Variants in SH3RF2 observed in about 807,000 individuals in gnomAD.
The protein encoded by SH3RF2 is SH3 domain containing ring finger 2, also known as E3 ubiquitin-protein ligase SH3RF2.
In SH3RF2, 43 loss-of-function variants were observed where a neutral mutation model predicts 59.0. That is an observed-to-expected ratio of 0.73 (90% CI 0.57 to 0.94). The LOEUF (loss-of-function observed/expected upper bound fraction) is 0.94. Among genes scored for constraint, SH3RF2 ranks in the 40% least tolerant of loss-of-function variants. The pLI is 0.00. For synonymous variants in SH3RF2, 391 were observed against 391.5 expected, an observed-to-expected ratio of 1.00 and a Z score of 0.01; for missense variants, 930 against 940.1, an observed-to-expected ratio of 0.99 and a Z score of 0.14.
chr5:146,050,890 T>C (rs1170245650), intron 7 of SH3RF2, among the ~76,000 whole-genome samples: 1 of 152,240 alleles, frequency 6.6e-6, no homozygotes, highest in Non-Finnish European at 1.5e-5. Context: ...CCAAGCCATG[T>C]GGATCTCTGA....
chr5:145,955,057 G>T (rs1029796339), intron 2 of SH3RF2, among the ~76,000 whole-genome samples: 1 of 152,132 alleles, frequency 6.6e-6, no homozygotes, highest in Non-Finnish European at 1.5e-5. Flanking sequence ...CCTCCCACTA[G>T]GTCCCACCTC....
chr5:146,067,419 A>T (rs11742798), downstream of SH3RF2, among the ~76,000 whole-genome samples: 48,817 of 152,024 alleles, frequency 0.32, 8,520 homozygotes, highest in Non-Finnish European at 0.39. Context: ...CCCTCCAGAG[A>T]CTGTGCAGGA....
At chr5:146,005,361 A>G (rs1458500638) in intron 4 of SH3RF2, among the ~76,000 whole-genome samples, 1 of 152,208 alleles carries the variant, frequency 6.6e-6, no homozygotes, top group African/African-American at 2.4e-5. Context: ...TGAGTAGTAG[A>G]AAGCTATGAA....
Position 146,000,167 on chromosome 5 carries a change from A to T in SH3RF2, c.488A>T (p.Tyr163Phe), listed in dbSNP as rs1314726812. 6.2e-7 allele frequency: 1 copy of T among 1,613,862 alleles called. No individual in the cohort carries two copies. Among genetic ancestry groups the T allele is most frequent in the South Asian group, 1.1e-5 (1 of 90,994 alleles). ...LLRRQLDENW[Y>F]QGEINGISGN... ...CGGAGACAGCTTGATGAGAATTGGT[A>T]CCAGGGGGAAATCAATGGCATCAGC... The change falls in exon 3 of 10, where the codon TAC becomes TTC. Residue 163 changes from tyrosine to phenylalanine, a missense_variant. Coordinates refer to ENST00000359120, the MANE Select transcript of SH3RF2 (RefSeq NM_152550.4).
downstream of SH3RF2, among the ~76,000 whole-genome samples, chr5:146,065,464 C>A (rs1763081079): frequency 1.3e-5 from 2 of 152,176 alleles, 1 homozygote; most frequent in African/African-American, 4.8e-5. Context: ...TTTAGTCTAT[C>A]CCTCAGTGGC....
chr5:146,015,149 A>G (rs1322742212), intron 5 of SH3RF2, among the ~76,000 whole-genome samples: 1 of 152,114 alleles, frequency 6.6e-6, no homozygotes, highest in African/African-American at 2.4e-5. Flanking sequence ...CTTTTTAACA[A>G]GACAAGGAGG....
chr5:145,993,683 C>T (rs1157407195), intron 2 of SH3RF2, among the ~76,000 whole-genome samples: 1 of 152,234 alleles, frequency 6.6e-6, no homozygotes, highest in Non-Finnish European at 1.5e-5. Context: ...CACAGGGCAC[C>T]AAGTCCCTAG....
intron 2 of SH3RF2, among the ~76,000 whole-genome samples, chr5:145,971,426 T>A (rs1463590558): frequency 6.6e-6 from 1 of 152,210 alleles, no homozygotes; most frequent in Non-Finnish European, 1.5e-5. Flanking sequence ...CCTGTGGGCA[T>A]TTCACCTCCA....
At chr5:146,064,990 C>T (rs2150026176), downstream of SH3RF2, among the ~76,000 whole-genome samples, 1 of 152,274 alleles carries the variant, frequency 6.6e-6, no homozygotes, top group African/African-American at 2.4e-5. Context: ...CCCACTCACA[C>T]ACTCGGCAAA....
At chr5:146,065,051 A>G (rs1037208148), downstream of SH3RF2, among the ~76,000 whole-genome samples, 101 of 152,088 alleles carry the variant, frequency 6.6e-4, no homozygotes, top group Admixed American at 1.1e-3. Flanking sequence ...AAACAAAACC[A>G]TACTCCTCCC....
chr5:145,962,743 G>A (rs1375567484), intron 2 of SH3RF2, among the ~76,000 whole-genome samples: 3 of 152,050 alleles, frequency 2.0e-5, no homozygotes, highest in Non-Finnish European at 4.4e-5. Flanking sequence ...GAAGGAAGAA[G>A]TGAAGGAGCT....
Position 146,000,248 on chromosome 5 carries a change from C to A in SH3RF2, c.569C>A (p.Pro190Gln). The A allele has an allele frequency of 6.2e-7, 1 of 1,614,012 alleles. No individual in the cohort carries two copies. Among genetic ancestry groups the A allele is most frequent in the Non-Finnish European group, 8.5e-7 (1 of 1,179,994 alleles). ...ATCAAGCAGCTGCCCCAGCCGCCCCCGCTCTGCAGGGCCCTCTACAACTTC... is the reference window on the plus strand; with the variant it reads ...ATCAAGCAGCTGCCCCAGCCGCCCCAGCTCTGCAGGGCCCTCTACAACTTC... ...EVIKQLPQPPPLCRALYNFDL... is the reference protein window; with the variant it reads ...EVIKQLPQPPQLCRALYNFDL... The change falls in exon 3 of 10, where the codon CCG becomes CAG. Residue 190 changes from proline to glutamine, a missense_variant. Coordinates refer to ENST00000359120, the MANE Select transcript of SH3RF2 (RefSeq NM_152550.4).
chr5:145,980,269 C>T lies in SH3RF2; in HGVS notation c.379-19789C>T, dbSNP rs192174536. Among the ~76,000 whole-genome samples, 21 of 152,268 alleles carry T rather than the reference C, an allele frequency of 1.4e-4. No homozygotes were observed. In the East Asian group the frequency reaches 4.0e-3, roughly 29 times the overall value. ...GAGGCAGTTGTAAGTTCCTCCCCTC[C>T]CCAAATTAATTAGGTGTATGTTTTT... is the stretch of plus-strand genomic sequence containing the variant. On this transcript the variant is annotated intron_variant, in intron 2 of 9. Coordinates refer to ENST00000359120, the MANE Select transcript of SH3RF2 (RefSeq NM_152550.4).
chr5:146,080,420 G>T (rs1285258551), exon 10 of SH3RF2: 1 of 152,096 alleles, frequency 6.6e-6, no homozygotes, highest in Non-Finnish European at 1.5e-5. Flanking sequence ...ATCTCTATGA[G>T]TTAATATGTA....
chr5:146,025,373 C>A lies in SH3RF2; in HGVS notation c.1059+11312C>A, dbSNP rs561943820. Among the ~76,000 whole-genome samples, 5 of 152,330 alleles carry A rather than the reference C, an allele frequency of 3.3e-5. No homozygotes were observed. The South Asian group carries it at 1.0e-3, about 32-fold the overall frequency. On this transcript the variant is annotated intron_variant, in intron 5 of 9. Coordinates refer to ENST00000359120, the MANE Select transcript of SH3RF2 (RefSeq NM_152550.4). ...TGCAGTCGCCTTGTTTACATCCTTG[C>A]CACTGCCGTAGGCTGGCCCCCAGTC...
downstream of SH3RF2, among the ~76,000 whole-genome samples, chr5:146,064,783 GGAA>G (rs1763042930): frequency 6.0e-5 from 1 of 16,784 alleles, no homozygotes; most frequent in Admixed American, 5.6e-4. Context: ...AGGAAAGGAA[GGAA>G]GGAAGGAAGG....
At chr5:146,021,312 C>T (rs991227134) in intron 5 of SH3RF2, among the ~76,000 whole-genome samples, 12 of 152,216 alleles carry the variant, frequency 7.9e-5, no homozygotes, top group Admixed American at 7.2e-4. Context: ...GATAAATTAA[C>T]TCTATGTTTA....
At chr5:146,029,719 T>C (rs944130182) in intron 5 of SH3RF2, among the ~76,000 whole-genome samples, 55 of 152,276 alleles carry the variant, frequency 3.6e-4, no homozygotes, top group African/African-American at 1.3e-3. Flanking sequence ...AAACAAGATA[T>C]GGGCCCCTAT....
chr5:145,952,871 G>T (rs1758245943), intron 2 of SH3RF2, among the ~76,000 whole-genome samples: 1 of 152,112 alleles, frequency 6.6e-6, no homozygotes, highest in Non-Finnish European at 1.5e-5. Context: ...GGAAACTCTG[G>T]GAAACAGTAT....
Sources: gnomAD v4.1 joint callset for allele counts (sites outside exome capture counted in the v4.1 genomes callset) on GRCh38, gnomAD v4.1.1 for gene constraint, MANE v1.5 for transcripts, NCBI Gene and HGNC (gene_info 2026-07-23, HGNC 2026-07-21) for gene names.